KANK1: variants seen among roughly 807,000 people sequenced by gnomAD.
The protein encoded by KANK1 is KN motif and ankyrin repeat domains 1.
In KANK1, 109 loss-of-function variants were observed where a neutral mutation model predicts 106.2. That is an observed-to-expected ratio of 1.03 (90% CI 0.88 to 1.20). The LOEUF is 1.20. Ranked by LOEUF, KANK1 falls within the 50% of genes most tolerant of loss-of-function variation. KANK1 has a pLI of 0.00. For synonymous variants in KANK1, 873 were observed against 652.2 expected (o/e 1.34, Z -5.16); for missense variants, 2,399 against 1,710.7 (o/e 1.40, Z -7.10).
At position 735,870 on chromosome 9, in the gene KANK1, G is replaced by A. The variant is rs142653013; in HGVS notation, c.3333+1035G>A. 5.9e-3 allele frequency: 1,573 copies of A among 267,484 alleles called. 10 individuals are homozygous for A. Among genetic ancestry groups the A allele is most frequent in the Middle Eastern group, 0.015 (10 of 680 alleles). The allele number at this position is 267,484 out of a possible 1,614,324, so 16.6% of individuals were successfully genotyped here. On this transcript the variant is annotated intron_variant, in intron 7 of 11. Coordinates refer to ENST00000382297, the MANE Select transcript of KANK1 (RefSeq NM_015158.5). ...GTTAGCCAGGCATGGTGGTACACCCGTGTAATCCCAGTTACTCGGGAGTCT... is the reference window on the plus strand; with the variant it reads ...GTTAGCCAGGCATGGTGGTACACCCATGTAATCCCAGTTACTCGGGAGTCT...
chr9:541,166 A>T (rs1211349139), intron 1 of KANK1, among the ~76,000 whole-genome samples: 3 of 152,150 alleles, frequency 2.0e-5, no homozygotes, highest in African/African-American at 7.2e-5. Flanking sequence ...GCATCATGCT[A>T]CTTGACTTCA....
chr9:678,226 C>T (rs147891235), intron 2 of KANK1, among the ~76,000 whole-genome samples: 2 of 152,254 alleles, frequency 1.3e-5, no homozygotes, highest in East Asian at 1.9e-4. Flanking sequence ...ATAGATTCTG[C>T]TGTGGGACTG....
chr9:633,614 C>T (rs1377619975), intron 1 of KANK1, among the ~76,000 whole-genome samples: 1 of 152,168 alleles, frequency 6.6e-6, no homozygotes, highest in Non-Finnish European at 1.5e-5. Context: ...CTCAATAATT[C>T]ATTCTGACTC....
At chr9:701,023 T>C (rs184562743) in intron 2 of KANK1, among the ~76,000 whole-genome samples, 22 of 152,314 alleles carry the variant, frequency 1.4e-4, no homozygotes, top group African/African-American at 4.3e-4. Flanking sequence ...TAGAAAGTAT[T>C]GAATGCTTTT....
chr9:514,266 C>T (rs186482422), intron 1 of KANK1, among the ~76,000 whole-genome samples: 16 of 110,932 alleles, frequency 1.4e-4, no homozygotes, highest in African/African-American at 8.9e-4. Context: ...CTCCGTCCCT[C>T]CCTTCCTTCC....
At chr9:608,414 C>G (rs1055887233) in intron 1 of KANK1, among the ~76,000 whole-genome samples, 1 of 148,780 alleles carries the variant, frequency 6.7e-6, no homozygotes, top group Non-Finnish European at 1.5e-5. Flanking sequence ...TTTGTGTATT[C>G]TCTTAAAGAG....
chr9:728,509 A>G (rs1447968092), intron 3 of KANK1, among the ~76,000 whole-genome samples: 2 of 152,168 alleles, frequency 1.3e-5, no homozygotes, highest in African/African-American at 4.8e-5. Flanking sequence ...TCTTCGATGT[A>G]TATTGAAATG....
At chr9:713,492 T>G in intron 3 of KANK1, 28 bp downstream of exon 3, 1 of 1,519,626 alleles carries the variant, frequency 6.6e-7, no homozygotes, top group Non-Finnish European at 8.8e-7. Context: ...GACCTGGGAA[T>G]GAGGAAGGAT....
intron 1 of KANK1, among the ~76,000 whole-genome samples, chr9:661,694 C>T (rs966589453): frequency 9.2e-5 from 14 of 152,094 alleles, no homozygotes; most frequent in African/African-American, 3.4e-4. Flanking sequence ...GTTGAGGAAT[C>T]ACCACACTGT....
intron 3 of KANK1, among the ~76,000 whole-genome samples, chr9:493,056 C>T (rs2058403567): frequency 6.6e-6 from 1 of 150,748 alleles, no homozygotes; most frequent in Admixed American, 6.6e-5. Context: ...GAAAAGAAAA[C>T]CAGCTGTGGC....
At chr9:473,725 G>C (rs1164284049) in intron 3 of KANK1, among the ~76,000 whole-genome samples, 1 of 149,934 alleles carries the variant, frequency 6.7e-6, no homozygotes, top group Non-Finnish European at 1.5e-5. Context: ...TTTTGAGACA[G>C]AGTCTCTCTC....
chr9:507,882 C>T (rs540759829), intron 1 of KANK1, among the ~76,000 whole-genome samples: 90 of 151,842 alleles, frequency 5.9e-4, no homozygotes, highest in African/African-American at 2.1e-3. Context: ...GACGGGGTTT[C>T]ACCGTGTTGG....
chr9:541,517 C>T (rs935243265), intron 1 of KANK1, among the ~76,000 whole-genome samples: 1 of 152,106 alleles, frequency 6.6e-6, no homozygotes, highest in Non-Finnish European at 1.5e-5. Flanking sequence ...TATAAAACTA[C>T]TTGAAGAACA....
At chr9:476,013 C>G (rs938570570) in intron 3 of KANK1, among the ~76,000 whole-genome samples, 1 of 151,858 alleles carries the variant, frequency 6.6e-6, no homozygotes, top group African/African-American at 2.4e-5. Flanking sequence ...CCACCACACC[C>G]GGCTAATTTT....
intron 3 of KANK1, among the ~76,000 whole-genome samples, chr9:494,478 G>A (rs1359783876): frequency 6.6e-6 from 1 of 152,118 alleles, no homozygotes; most frequent in African/African-American, 2.4e-5. Flanking sequence ...TACCTGGTTT[G>A]GTCTGTGTGA....
Position 719,599 on chromosome 9 carries a change from A to G in KANK1, c.2698+6135A>G, listed in dbSNP as rs565389684. On this transcript the variant is annotated intron_variant, in intron 3 of 11. Coordinates refer to ENST00000382297, the MANE Select transcript of KANK1 (RefSeq NM_015158.5). ...AGCAACTTTTAAAATCCATTTTAATATATTTTTTTAAATTGATTTTCTAAC... is the reference window on the plus strand; with the variant it reads ...AGCAACTTTTAAAATCCATTTTAATGTATTTTTTTAAATTGATTTTCTAAC... Among the ~76,000 whole-genome samples, 28 of 143,422 alleles carry G rather than the reference A, an allele frequency of 2.0e-4. No homozygotes were observed. In the South Asian group the frequency reaches 2.3e-3, roughly 12 times the overall value. 94.1% of individuals were successfully genotyped at this position (143,422 alleles called of 152,430 possible).
chr9:553,333 C>T (rs1299654517), intron 1 of KANK1, among the ~76,000 whole-genome samples: 1 of 152,156 alleles, frequency 6.6e-6, no homozygotes, highest in Non-Finnish European at 1.5e-5. Context: ...GCATTGAGGG[C>T]TACTTTGTGC....
intron 1 of KANK1, among the ~76,000 whole-genome samples, chr9:510,981 G>A (rs2059005062): frequency 6.6e-6 from 1 of 152,188 alleles, no homozygotes; most frequent in Non-Finnish European, 1.5e-5. Context: ...TTATGTGCAA[G>A]GCCCTGGTGG....
At chr9:668,206 G>C (rs1268349048) in intron 1 of KANK1, among the ~76,000 whole-genome samples, 1 of 152,174 alleles carries the variant, frequency 6.6e-6, no homozygotes, top group Non-Finnish European at 1.5e-5. Context: ...GTTGAGTGAA[G>C]TGTGTTTTAT....
Sources: allele counts gnomAD v4.1 joint callset (sites outside exome capture counted in the v4.1 genomes callset), GRCh38; gene constraint gnomAD v4.1.1; transcripts MANE v1.5; gene names NCBI Gene and HGNC (gene_info 2026-07-23, HGNC 2026-07-21).